Variants in SMOC1 observed in about 807,000 individuals in gnomAD.
SMOC1 encodes SPARC related modular calcium binding 1.
Under a neutral mutation model 56.3 loss-of-function variants are expected in SMOC1, and 22 were observed. The ratio of observed to expected loss-of-function variants is 0.39; its 90% CI spans 0.28 to 0.56. The LOEUF is 0.56. Among genes scored for constraint, SMOC1 ranks in the 20% least tolerant of loss-of-function variants. The probability of loss-of-function intolerance (pLI) is 0.61; values close to 1 mark genes in which losing one functional copy is unlikely to be tolerated. For missense variants in SMOC1, 509 were observed against 565.4 expected, an observed-to-expected ratio of 0.90 and a Z score of 1.01; for synonymous variants, 193 against 215.0, an observed-to-expected ratio of 0.90 and a Z score of 0.89.
Position 69,994,497 on chromosome 14 carries a change from G to C in SMOC1, c.664+17G>C. 6.3e-7 allele frequency: 1 copy of C among 1,591,210 alleles called. No homozygotes were observed. The highest frequency in any genetic ancestry group is 8.6e-7 in the Non-Finnish European group (1 of 1,159,892). ...GAAATTCAGGTAAATAACCTTCCTT[G>C]GATTATATATGTACCCAGTCCATCC... On this transcript the variant is annotated intron_variant, in intron 7 of 11. Coordinates refer to ENST00000361956, the MANE Select transcript of SMOC1 (RefSeq NM_001034852.3).
Position 69,879,670 on chromosome 14 carries a change from G to C in SMOC1, c.-9G>C. On this transcript the variant is annotated 5_prime_UTR_variant, in exon 1 of 12. Transcript: ENST00000361956. ...CGCTCGCTGCCGGCTGCCCAGCCTG[G>C]CTGGCACCATGCTGCCCGCGCGCTG... 6.5e-7 allele frequency: 1 copy of C among 1,535,352 alleles called. No individual in the cohort carries two copies. The highest frequency in any genetic ancestry group is 8.7e-7 in the Non-Finnish European group (1 of 1,150,952).
intron 3 of SMOC1, among the ~76,000 whole-genome samples, chr14:69,972,886 C>T (rs1343822868): frequency 6.6e-6 from 1 of 152,204 alleles, no homozygotes; most frequent in Non-Finnish European, 1.5e-5. Flanking sequence ...AACTGCAGTG[C>T]CTGGCTCCCG....
At chr14:69,996,762 G>T (rs2139554402) in intron 7 of SMOC1, among the ~76,000 whole-genome samples, 1 of 152,344 alleles carries the variant, frequency 6.6e-6, no homozygotes, top group South Asian at 2.1e-4. Flanking sequence ...AACTGTTAGA[G>T]ATTGATAACT....
In SMOC1 at chr14:70,031,884, C is replaced by T. The variant is rs1407305008; in HGVS notation, c.*1626C>T. On this transcript the variant is annotated 3_prime_UTR_variant, in exon 12 of 12. Transcript: ENST00000361956. Reference sequence around the variant, plus strand: ...ATCTGGCCTCATCTTGTATTCCAACCCGACATCCCTAAAAGTACCTCCACC... The same window carrying T: ...ATCTGGCCTCATCTTGTATTCCAACTCGACATCCCTAAAAGTACCTCCACC... 6.6e-6 allele frequency: 1 copy of T among 152,468 alleles called. No homozygotes were observed. The highest frequency in any genetic ancestry group is 2.4e-5 in the African/African-American group (1 of 41,462). The allele number at this position is 152,468 out of a possible 1,614,324, so 9.4% of individuals were successfully genotyped here. A position where few individuals can be genotyped will look rare whatever the true frequency, so the allele number is the denominator to read the frequency against.
In SMOC1 at chr14:70,008,990, T is replaced by C. The variant is rs73290749; in HGVS notation, c.665-1764T>C. On this transcript the variant is annotated intron_variant, in intron 7 of 11. Transcript: ENST00000361956. ...CCCCTCTCCCTGCTCAGTTTCTGTCTCTTTCCTGTCTCTAGATGCTGTTCT... is the reference window on the plus strand; with the variant it reads ...CCCCTCTCCCTGCTCAGTTTCTGTCCCTTTCCTGTCTCTAGATGCTGTTCT... Among the ~76,000 whole-genome samples the C allele has an allele frequency of 7.6e-3, 1,162 of 152,316 alleles. 16 individuals carry two copies. The highest frequency in any genetic ancestry group is 0.026 in the African/African-American group (1,092 of 41,566).
intron 1 of SMOC1, among the ~76,000 whole-genome samples, chr14:69,904,243 T>C (rs1884347529): frequency 6.6e-6 from 1 of 152,258 alleles, no homozygotes. Flanking sequence ...ACTGATACAC[T>C]TCTGTAATGA....
At chr14:69,967,389 G>A (rs187721696) in intron 3 of SMOC1, among the ~76,000 whole-genome samples, 4 of 152,340 alleles carry the variant, frequency 2.6e-5, no homozygotes, top group East Asian at 1.9e-4. Flanking sequence ...CCCATGGCCC[G>A]CAGGCCACAT....
At chr14:69,948,406 T>A (rs1882871221) in intron 1 of SMOC1, among the ~76,000 whole-genome samples, 1 of 152,234 alleles carries the variant, frequency 6.6e-6, no homozygotes, top group Non-Finnish European at 1.5e-5. Context: ...AAGCTGAGAA[T>A]GATCTCTGTG....
At chr14:69,974,434 C>T (rs1883884810) in intron 3 of SMOC1, among the ~76,000 whole-genome samples, 2 of 152,052 alleles carry the variant, frequency 1.3e-5, no homozygotes, top group South Asian at 2.1e-4. Context: ...TCAGGAGAAA[C>T]TAAAATGTGT....
At chr14:70,010,626 A>G (rs1001139946) in intron 7 of SMOC1, 128 bp from the exon 8 acceptor site, 44 of 961,974 alleles carry the variant, frequency 4.6e-5, no homozygotes, top group Admixed American at 3.0e-4. Context: ...TAATTCATCA[A>G]TGGGGCAGCT....
chr14:69,932,408 G>A (rs1413026340), intron 1 of SMOC1, among the ~76,000 whole-genome samples: 1 of 152,218 alleles, frequency 6.6e-6, no homozygotes, highest in African/African-American at 2.4e-5. Flanking sequence ...AGCCCCACAT[G>A]CCTCCTCCTG....
intron 3 of SMOC1, among the ~76,000 whole-genome samples, chr14:69,954,253 A>G (rs1303361624): frequency 2.0e-5 from 3 of 152,122 alleles, no homozygotes; most frequent in Non-Finnish European, 2.9e-5. Context: ...ATCATAGCTC[A>G]TTGCAGCCTT....
At chr14:69,893,259 A>T (rs1387931014) in intron 1 of SMOC1, among the ~76,000 whole-genome samples, 2 of 152,192 alleles carry the variant, frequency 1.3e-5, no homozygotes, top group Non-Finnish European at 2.9e-5. Context: ...CCCATTGATG[A>T]TCATTGCTAG....
chr14:69,932,170 G>C (rs1019134336), intron 1 of SMOC1, among the ~76,000 whole-genome samples: 10 of 152,224 alleles, frequency 6.6e-5, no homozygotes, highest in Non-Finnish European at 1.5e-4. Context: ...TACCCTCTGT[G>C]TTTCGCAAAA....
intron 7 of SMOC1, among the ~76,000 whole-genome samples, chr14:69,995,577 T>C (rs573377984): frequency 2.4e-4 from 36 of 152,340 alleles, no homozygotes; most frequent in African/African-American, 8.7e-4. Context: ...TGGGTTCACA[T>C]TGTAGCTCCA....
chr14:69,894,177 C>T (rs918774216), intron 1 of SMOC1, among the ~76,000 whole-genome samples: 8 of 152,190 alleles, frequency 5.3e-5, no homozygotes, highest in African/African-American at 1.9e-4. Flanking sequence ...GTAGCATCAT[C>T]AAATATACAG....
At chr14:69,987,467 G>A (rs572259654) in intron 5 of SMOC1, among the ~76,000 whole-genome samples, 3 of 152,272 alleles carry the variant, frequency 2.0e-5, no homozygotes, top group Admixed American at 6.5e-5. Context: ...GAAGGACCTG[G>A]AAGAGAAAGC....
rs763040497 is a variant in SMOC1 at position 70,013,451 on chromosome 14, G to T, written c.1006G>T (p.Val336Phe). The T allele has an allele frequency of 6.2e-7, 1 of 1,614,080 alleles. No homozygotes were observed. The highest frequency in any genetic ancestry group is 1.1e-5 in the South Asian group (1 of 91,084). Residue 336 changes from valine to phenylalanine, a missense_variant, in exon 10 of 12, where the codon GTT becomes TTT. By Grantham distance (50) the Val-to-Phe change is conservative (BLOSUM62 -1). Around this residue, in one of 3 missense-constraint regions of SMOC1, gnomAD observed 176 missense variants for 188.1 expected, o/e 0.94. Transcript: ENST00000361956. ...ACTGGATGCTCTCACCACTGACATG[G>T]TTCAGGCCATTAACTCAGCAGCGCC... Reference protein sequence around the residue: ...SLLDALTTDMVQAINSAAPTG... With the variant: ...SLLDALTTDMFQAINSAAPTG...
intron 7 of SMOC1, among the ~76,000 whole-genome samples, chr14:70,005,071 G>T (rs1219048021): frequency 6.6e-6 from 1 of 152,226 alleles, no homozygotes; most frequent in African/African-American, 2.4e-5. Context: ...TTCTTCAGCA[G>T]TTCCTCCTCT....
Sources: gnomAD v4.1 joint callset for allele counts (sites outside exome capture counted in the v4.1 genomes callset) on GRCh38, gnomAD v4.1.1 for gene constraint, gnomAD v4.1.1 regional missense constraint, MANE v1.5 for transcripts, NCBI Gene and HGNC (gene_info 2026-07-23, HGNC 2026-07-21) for gene names.